Variants in EP400 observed in about 807,000 individuals in gnomAD.
EP400 encodes E1A binding protein p400.
A neutral mutation model predicts 354.1 loss-of-function variants in EP400; 105 were observed. The observed-to-expected ratio is 0.30, with a 90% CI of 0.25 to 0.35. The LOEUF (loss-of-function observed/expected upper bound fraction) is 0.35. Ranked by LOEUF, EP400 falls within the 10% of genes least tolerant of loss-of-function variation. The pLI is 1.00. For synonymous variants in EP400, 1,646 were observed against 1,716.9 expected (o/e 0.96, Z 1.02); for missense variants, 3,280 against 4,121.0 (o/e 0.80, Z 5.59).
chr12:132,062,400 T>C, intron 46 of EP400, 66 bp from the exon 47 acceptor site: 3 of 1,610,202 alleles, frequency 1.9e-6, no homozygotes, highest in East Asian at 4.5e-5. Context: ...GCTTGCTGTC[T>C]GAGAATGAGG....
rs775468311 is a variant in EP400, at chr12:132,038,033, G to T, written c.6144G>T (p.Val2048=). 1 of 1,614,218 alleles carries T rather than the reference G, an allele frequency of 6.2e-7. No individual in the cohort carries two copies. The highest frequency in any genetic ancestry group is 1.1e-5 in the South Asian group (1 of 91,086). ...CGGTCAAAGCTGAGGAGTTTGTGGT[G>T]CTTTCTCAGGAACCTTCTGTCACGG... ...GFPVKAEEFV[V]LSQEPSVTET... Residue 2048 remains valine, a synonymous_variant, in exon 32 of 53, where the codon GTG becomes GTT. Coordinates refer to ENST00000389561, the MANE Select transcript of EP400 (RefSeq NM_015409.5). The surrounding 1 kb of genome is among the most constrained non-coding windows in gnomAD (Gnocchi z 4.2).
intron 51 of EP400, among the ~76,000 whole-genome samples, chr12:132,073,458 C>CTTTTTTT (rs1896125435): frequency 1.1e-5 from 1 of 92,732 alleles, no homozygotes. Flanking sequence ...TGTCCCTTTT[C>CTTTTTTT]CTTTTTTTTT....
chr12:131,990,833 G>A lies in EP400; in HGVS notation c.2629+119G>A, dbSNP rs985263426. On this transcript the variant is annotated intron_variant, in intron 9 of 52. Coordinates refer to ENST00000389561, the MANE Select transcript of EP400 (RefSeq NM_015409.5). This position sits in a 1 kb window ranked among gnomAD's most constrained non-coding sequence, Gnocchi z 4.2. ...ACAGAGGACATCTGCTCATCAGCCAGCTGCCTGATTGTTACATTTCTCTTT... is the reference window on the plus strand; with the variant it reads ...ACAGAGGACATCTGCTCATCAGCCAACTGCCTGATTGTTACATTTCTCTTT... 25 of 711,978 alleles carry A rather than the reference G, an allele frequency of 3.5e-5. 1 individual carries two copies. The Admixed American group carries it at 5.0e-4, about 14-fold the overall frequency. 44.1% of individuals were successfully genotyped at this position (711,978 alleles called of 1,614,324 possible).
At chr12:132,014,898 G>A (rs925644130) in intron 19 of EP400, among the ~76,000 whole-genome samples, 1 of 152,176 alleles carries the variant, frequency 6.6e-6, no homozygotes, top group Admixed American at 6.5e-5. Flanking sequence ...CTAGGGGTGA[G>A]GCCATGCTAG....
chr12:132,015,389 A>G lies in EP400; in HGVS notation c.3923+1476A>G, dbSNP rs567120506. ...TTCAGTAGAATACTGAAATCAGCCT[A>G]TGTCAGCTTTGGTAACATACTAGTT... On this transcript the variant is annotated intron_variant, in intron 19 of 52. Transcript: ENST00000389561. 1.4e-4 allele frequency among the ~76,000 whole-genome samples: 21 copies of G among 152,330 alleles called. 1 individual carries two copies. The highest frequency in any genetic ancestry group is 3.8e-4 in the African/African-American group (16 of 41,574).
At chr12:131,966,481 T>A (rs1892086361) in intron 2 of EP400, among the ~76,000 whole-genome samples, 1 of 146,290 alleles carries the variant, frequency 6.8e-6, no homozygotes, top group Non-Finnish European at 1.5e-5. Context: ...GAGAATTGCT[T>A]GAACCCAGGA....
chr12:132,032,219 G>T lies in EP400; in HGVS notation c.5951+70G>T. On this transcript the variant is annotated intron_variant, in intron 30 of 52. Coordinates refer to ENST00000389561, the MANE Select transcript of EP400 (RefSeq NM_015409.5). ...ACATATACAGGTGAGGGCCTGCGGG[G>T]ATGGCCGCGTGGAAATGGAGTCAAT... The T allele has an allele frequency of 2.0e-6, 3 of 1,488,054 alleles. No homozygotes were observed. The African/African-American group carries it at 4.2e-5, about 21-fold the overall frequency. 92.2% of individuals were successfully genotyped at this position (1,488,054 alleles called of 1,614,324 possible). A position where few individuals can be genotyped will look rare whatever the true frequency, so the allele number is the denominator to read the frequency against.
At chr12:132,068,665 G>T (rs562691744) in intron 50 of EP400, 1 of 152,310 alleles carries the variant, frequency 6.6e-6, no homozygotes, top group Non-Finnish European at 1.5e-5. Context: ...CACCAGCTCC[G>T]CCGTGGCCGG....
chr12:131,959,936 A>AGAG (rs938099500), intron 1 of EP400, among the ~76,000 whole-genome samples: 5 of 152,204 alleles, frequency 3.3e-5, no homozygotes, highest in African/African-American at 7.2e-5. Context: ...TGGATTTACA[A>AGAG]GAGGAGAGTT....
At chr12:132,006,072 T>C in intron 13 of EP400, 40 bp from the exon 14 acceptor site, 1 of 1,573,086 alleles carries the variant, frequency 6.4e-7, no homozygotes, top group Non-Finnish European at 8.7e-7. Flanking sequence ...TATAAAGCCT[T>C]CTCAGTGGCC....
intron 25 of EP400, among the ~76,000 whole-genome samples, chr12:132,026,913 C>T (rs1894326248): frequency 1.3e-5 from 2 of 152,208 alleles, no homozygotes; most frequent in South Asian, 4.1e-4. Context: ...CTGATTGGCC[C>T]TGGCTGGTAG....
chr12:132,018,933 T>C lies in EP400; in HGVS notation c.4277+557T>C, dbSNP rs968001787. 6.6e-6 allele frequency among the ~76,000 whole-genome samples: 1 copy of C among 152,192 alleles called. No homozygotes were observed. Among genetic ancestry groups the C allele is most frequent in the African/African-American group, 2.4e-5 (1 of 41,450 alleles). ...AAAGGAAAGGAAAGGAAATAGGTAT[T>C]TGGAGATGAAGGGGCCAGCTCTGCA... On this transcript the variant is annotated intron_variant, in intron 21 of 52. Coordinates refer to ENST00000389561, the MANE Select transcript of EP400 (RefSeq NM_015409.5). The surrounding 1 kb of genome is among the most constrained non-coding windows in gnomAD (Gnocchi z 4.0).
Position 131,990,857 on chromosome 12 carries a change from TTGTG to T in EP400, c.2629+146_2629+149del, listed in dbSNP as rs2136503843. The T allele has an allele frequency of 3.1e-6, 2 of 653,896 alleles. No homozygotes were observed. Among genetic ancestry groups the T allele is most frequent in the South Asian group, 3.8e-5 (2 of 52,584 alleles). The allele number at this position is 653,896 out of a possible 1,614,324, so 40.5% of individuals were successfully genotyped here. A position where few individuals can be genotyped will look rare whatever the true frequency, so the allele number is the denominator to read the frequency against. The stretch of plus-strand genomic sequence containing the variant: ...AGCTGCCTGATTGTTACATTTCTCT[TTGTG>T]TGGCCATCCTAGTTTTATGCTTCAG... On this transcript the variant is annotated intron_variant, in intron 9 of 52. Transcript: ENST00000389561. The surrounding 1 kb of genome is among the most constrained non-coding windows in gnomAD (Gnocchi z 4.2).
chr12:132,011,889 T>TGGGGC (rs573325968), intron 16 of EP400, among the ~76,000 whole-genome samples: 12 of 152,116 alleles, frequency 7.9e-5, no homozygotes, highest in Non-Finnish European at 1.8e-4. Flanking sequence ...GCCCAGAAAG[T>TGGGGC]GGGGCAGTTT....
intron 45 of EP400, among the ~76,000 whole-genome samples, chr12:132,061,383 T>C (rs1165754220): frequency 1.3e-5 from 2 of 152,182 alleles, no homozygotes; most frequent in Non-Finnish European, 2.9e-5. Flanking sequence ...ACACGCTAGA[T>C]TTCCATCCAA....
chr12:132,078,451 C>T lies in EP400; in HGVS notation c.*778C>T, dbSNP rs759483086. ...GATGCCCAACTCAGTGCACTCAAGA[C>T]GCATCTCCAGTTTTCGGGGGAAGCT... On this transcript the variant is annotated 3_prime_UTR_variant, in exon 53 of 53. Coordinates refer to ENST00000389561, the MANE Select transcript of EP400 (RefSeq NM_015409.5). The T allele has an allele frequency of 5.9e-5, 9 of 152,286 alleles. No homozygotes were observed. The highest frequency in any genetic ancestry group is 8.8e-5 in the Non-Finnish European group (6 of 68,064). 9.4% of individuals were successfully genotyped at this position (152,286 alleles called of 1,614,324 possible).
In EP400 at chr12:132,020,141, C is replaced by T. The variant is rs746082327; in HGVS notation, c.4370C>T (p.Thr1457Met). ...THPPRTAAPT[T>M]ASAAPQGPLR... Reference sequence around the variant, plus strand: ...CCGCCCCGGACGGCAGCCCCCACCACGGCCTCTGCTGCTCCACAGGGCCCG... The same window carrying T: ...CCGCCCCGGACGGCAGCCCCCACCATGGCCTCTGCTGCTCCACAGGGCCCG... The change falls in exon 22 of 53, where the codon ACG (threonine) becomes ATG (methionine). Residue 1457 changes from threonine (T) to methionine (M), a missense_variant. By Grantham distance (81) the Thr-to-Met change is moderately conservative (BLOSUM62 -1). Around this residue, in one of 20 missense-constraint regions of EP400, gnomAD observed 342 missense variants for 342.7 expected, o/e 1.00. Transcript: ENST00000389561. 26 of 1,611,896 alleles carry T rather than the reference C, an allele frequency of 1.6e-5. No homozygotes were observed. In the Admixed American group the frequency reaches 2.9e-4, roughly 18 times the overall value.
At chr12:131,981,625 C>G in intron 4 of EP400, 29 bp downstream of exon 4, 1 of 1,552,016 alleles carries the variant, frequency 6.4e-7, no homozygotes, top group Non-Finnish European at 8.8e-7. Flanking sequence ...GCCAGCTCCC[C>G]GCTCAGGAGC....
intron 14 of EP400, 93 bp from the exon 15 acceptor site, chr12:132,006,607 G>T: frequency 7.9e-7 from 1 of 1,269,186 alleles, no homozygotes; most frequent in Non-Finnish European, 1.1e-6. Context: ...CTTTCTAATT[G>T]GTTTATCATG....
Sources: allele counts gnomAD v4.1 joint callset (sites outside exome capture counted in the v4.1 genomes callset), GRCh38; gene constraint gnomAD v4.1.1; regional missense constraint gnomAD v4.1.1; non-coding constraint Gnocchi (gnomAD v3.1); transcripts MANE v1.5; gene names NCBI Gene and HGNC (gene_info 2026-07-23, HGNC 2026-07-21).